SLC25A26: variants seen among roughly 807,000 people sequenced by gnomAD.
SLC25A26 encodes mitochondrial S-adenosylmethionine carrier protein.
SLC25A26 carries 36 observed loss-of-function variants against 37.8 expected under a neutral mutation model. The ratio of observed to expected loss-of-function variants is 0.95; its 90% confidence interval spans 0.73 to 1.26. The LOEUF (loss-of-function observed/expected upper bound fraction) is 1.26, where lower values mean the gene tolerates loss of function less well. Among genes scored for constraint, SLC25A26 ranks in the 50% most tolerant of loss-of-function variants. The probability of loss-of-function intolerance (pLI) is 0.00; values close to 1 mark genes in which losing one functional copy is unlikely to be tolerated. For synonymous variants in SLC25A26, 129 were observed against 122.5 expected, an observed-to-expected ratio of 1.05 and a Z score of -0.35; for missense variants, 390 against 331.1, an observed-to-expected ratio of 1.18 and a Z score of -1.38.
intron 9 of SLC25A26, among the ~76,000 whole-genome samples, chr3:66,376,131 G>A (rs1700637379): frequency 6.6e-6 from 1 of 151,488 alleles, no homozygotes; most frequent in African/African-American, 2.4e-5. Context: ...ACAATCTCAT[G>A]ATCAAACTTG....
intron 1 of SLC25A26, among the ~76,000 whole-genome samples, chr3:66,225,406 A>T (rs921181700): frequency 1.1e-4 from 17 of 152,154 alleles, no homozygotes; most frequent in Non-Finnish European, 2.2e-4. Flanking sequence ...GGCCCCTTCT[A>T]GCCACGGCTG....
chr3:66,190,312 CAA>C (rs1221431441), intron 1 of SLC25A26, among the ~76,000 whole-genome samples: 2 of 133,012 alleles, frequency 1.5e-5, no homozygotes, highest in Non-Finnish European at 1.6e-5. Flanking sequence ...GAAACCCTGT[CAA>C]AAAAAAAAAA....
chr3:66,141,729 G>A (rs56231001), intron 1 of SLC25A26, among the ~76,000 whole-genome samples: 3 of 152,072 alleles, frequency 2.0e-5, no homozygotes, highest in Non-Finnish European at 4.4e-5. Flanking sequence ...GGCCAGGCTG[G>A]TTTCGAACTC....
At chr3:66,261,672 G>A (rs1333847642) in intron 3 of SLC25A26, 1 of 182,918 alleles carries the variant, frequency 5.5e-6, no homozygotes, top group Admixed American at 6.4e-5. Flanking sequence ...TTCCAGTAAA[G>A]CAGAGGTTCC....
At chr3:66,174,266 G>C (rs1041837869) in intron 1 of SLC25A26, among the ~76,000 whole-genome samples, 6 of 152,174 alleles carry the variant, frequency 3.9e-5, no homozygotes, top group Non-Finnish European at 8.8e-5. Context: ...ATAAGCAGTA[G>C]CTTGGGAAGT....
intron 1 of SLC25A26, among the ~76,000 whole-genome samples, chr3:66,194,921 G>T (rs1045169820): frequency 6.6e-6 from 1 of 152,154 alleles, no homozygotes; most frequent in Non-Finnish European, 1.5e-5. Context: ...TTAAAGGAAC[G>T]GGTGGTTGGA....
chr3:66,244,718 A>T (rs2072746507), intron 3 of SLC25A26, among the ~76,000 whole-genome samples: 1 of 152,178 alleles, frequency 6.6e-6, no homozygotes. Flanking sequence ...CACGCCTGTA[A>T]TCCCAGCACT....
intron 5 of SLC25A26, among the ~76,000 whole-genome samples, chr3:66,312,152 T>C (rs2075397381): frequency 6.6e-6 from 1 of 152,206 alleles, no homozygotes; most frequent in Non-Finnish European, 1.5e-5. Flanking sequence ...TATAAGCACC[T>C]GACTGGGGCT....
chr3:66,184,371 C>T (rs138641331), intron 1 of SLC25A26, among the ~76,000 whole-genome samples: 1 of 152,122 alleles, frequency 6.6e-6, no homozygotes, highest in African/African-American at 2.4e-5. Context: ...CCGACCCTGA[C>T]CCAGACCATC....
At chr3:66,156,916 G>A (rs374241334) in intron 1 of SLC25A26, among the ~76,000 whole-genome samples, 1 of 151,986 alleles carries the variant, frequency 6.6e-6, no homozygotes, top group South Asian at 2.1e-4. Flanking sequence ...ACTAACTTCA[G>A]GGCAGTTCCG....
intron 5 of SLC25A26, among the ~76,000 whole-genome samples, chr3:66,285,531 C>G (rs2074483109): frequency 1.9e-5 from 1 of 53,108 alleles, no homozygotes; most frequent in Non-Finnish European, 3.4e-5. Flanking sequence ...GTAGTCATGG[C>G]TCACTGCAAC....
intron 1 of SLC25A26, among the ~76,000 whole-genome samples, chr3:66,231,395 T>C (rs577253738): frequency 2.0e-5 from 3 of 152,144 alleles, no homozygotes; most frequent in Non-Finnish European, 4.4e-5. Context: ...GCATGAATTT[T>C]GAATGGCTTA....
chr3:66,134,229 C>T (rs1054789046), intron 1 of SLC25A26, among the ~76,000 whole-genome samples: 7 of 152,070 alleles, frequency 4.6e-5, no homozygotes, highest in African/African-American at 9.7e-5. Flanking sequence ...ATTACATGGC[C>T]GCAGTAAATA....
At chr3:66,278,872 C>T (rs752837041) in intron 5 of SLC25A26, among the ~76,000 whole-genome samples, 1 of 151,932 alleles carries the variant, frequency 6.6e-6, no homozygotes, top group African/African-American at 2.4e-5. Context: ...TGTCTTTTAC[C>T]CTCAGTCACT....
intron 2 of SLC25A26, among the ~76,000 whole-genome samples, chr3:66,237,785 C>T (rs1025047597): frequency 6.6e-6 from 1 of 152,074 alleles, no homozygotes; most frequent in African/African-American, 2.4e-5. Flanking sequence ...TAAGACACAC[C>T]CACAAAACCA....
chr3:66,145,594 T>A (rs1417526080), intron 1 of SLC25A26, among the ~76,000 whole-genome samples: 1 of 152,226 alleles, frequency 6.6e-6, no homozygotes, highest in African/African-American at 2.4e-5. Context: ...TTTGTTTTTT[T>A]TTAAATACTA....
chr3:66,319,430 G>A (rs905657086), intron 5 of SLC25A26, among the ~76,000 whole-genome samples: 20 of 152,042 alleles, frequency 1.3e-4, no homozygotes, highest in African/African-American at 2.4e-5. Flanking sequence ...AAAACTTCGC[G>A]CGCTTTTATT....
At chr3:66,134,417 T>G (rs886818585) in intron 1 of SLC25A26, among the ~76,000 whole-genome samples, 14 of 152,350 alleles carry the variant, frequency 9.2e-5, no homozygotes, top group African/African-American at 2.6e-4. Context: ...CATTGAGTTG[T>G]GTGTTTGTCA....
intron 5 of SLC25A26, among the ~76,000 whole-genome samples, chr3:66,302,247 G>C (rs1053651683): frequency 6.6e-6 from 1 of 152,086 alleles, no homozygotes; most frequent in Non-Finnish European, 1.5e-5. Context: ...TCAAAGACGT[G>C]GCCCAAAATG....
Sources: gnomAD v4.1 joint callset for allele counts (sites outside exome capture counted in the v4.1 genomes callset) on GRCh38, gnomAD v4.1.1 for gene constraint, MANE v1.5 for transcripts, NCBI Gene and HGNC (gene_info 2026-07-23, HGNC 2026-07-21) for gene names.